The following MIPEP variants were observed in gnomAD, a reference collection of about 807,000 sequenced individuals.
MIPEP encodes mitochondrial intermediate peptidase.
In MIPEP, 79 loss-of-function variants were observed where a neutral mutation model predicts 90.3. That is an observed-to-expected ratio of 0.87 (90% CI 0.73 to 1.05). MIPEP has a LOEUF of 1.05. MIPEP is among the 50% of genes least tolerant of loss of function. The pLI, the probability that MIPEP is intolerant of heterozygous loss-of-function variation, is 0.00. For synonymous variants in MIPEP, 334 were observed against 315.8 expected (o/e 1.06, Z -0.61); for missense variants, 940 against 905.6 (o/e 1.04, Z -0.49).
chr13:23,819,161 T>C (rs953762448), intron 14 of MIPEP, among the ~76,000 whole-genome samples: 4 of 152,212 alleles, frequency 2.6e-5, no homozygotes, highest in African/African-American at 7.2e-5. Context: ...TGGGAGGCCA[T>C]TGTTTTATAC....
intron 14 of MIPEP, 75 bp downstream of exon 14, chr13:23,836,165 T>A (rs966385829): frequency 1.1e-6 from 1 of 879,700 alleles, no homozygotes; most frequent in African/African-American, 1.7e-5. Context: ...GCAAGAAGAG[T>A]TCAATTTATC....
At chr13:23,876,065 C>A (rs911277218) in intron 4 of MIPEP, among the ~76,000 whole-genome samples, 1 of 152,164 alleles carries the variant, frequency 6.6e-6, no homozygotes, top group South Asian at 2.1e-4. Context: ...AGTTTTTAAT[C>A]CTTGTTTGTT....
At chr13:23,761,420 C>T (rs1020579060) in intron 16 of MIPEP, among the ~76,000 whole-genome samples, 4 of 152,062 alleles carry the variant, frequency 2.6e-5, no homozygotes, top group Admixed American at 1.3e-4. Context: ...ACTTGGAACG[C>T]CTGGTCATCA....
chr13:23,759,048 A>T (rs1174658660), intron 17 of MIPEP, among the ~76,000 whole-genome samples: 1 of 152,226 alleles, frequency 6.6e-6, no homozygotes, highest in Non-Finnish European at 1.5e-5. Flanking sequence ...AAGTTCCCTG[A>T]AAAGAATTTG....
intron 16 of MIPEP, among the ~76,000 whole-genome samples, chr13:23,766,503 G>T (rs1952592387): frequency 6.6e-6 from 1 of 152,218 alleles, no homozygotes; most frequent in Non-Finnish European, 1.5e-5. Flanking sequence ...TACTCCAGAA[G>T]TGTTTAACGA....
At chr13:23,772,852 G>T (rs1048750710) in intron 16 of MIPEP, among the ~76,000 whole-genome samples, 2 of 152,028 alleles carry the variant, frequency 1.3e-5, no homozygotes, top group Non-Finnish European at 2.9e-5. Flanking sequence ...GCCCTTCCCT[G>T]CTCTAAGACA....
intron 13 of MIPEP, 61 bp downstream of exon 13, chr13:23,837,491 T>C: frequency 1.5e-6 from 2 of 1,316,876 alleles, no homozygotes; most frequent in Non-Finnish European, 2.2e-6. Flanking sequence ...CCTTTCCCAA[T>C]TCAAAGAAAA....
intron 18 of MIPEP, among the ~76,000 whole-genome samples, chr13:23,736,029 A>G (rs1406561648): frequency 2.0e-5 from 3 of 152,220 alleles, no homozygotes; most frequent in African/African-American, 4.8e-5. Flanking sequence ...AAAGCTGACA[A>G]AGATGTCCCC....
chr13:23,871,047 C>A (rs1365031673), intron 5 of MIPEP, among the ~76,000 whole-genome samples: 1 of 152,102 alleles, frequency 6.6e-6, no homozygotes, highest in East Asian at 1.9e-4. Flanking sequence ...GAATAAAGTT[C>A]TGATTTTGCA....
chr13:23,778,003 G>C (rs1207183347), intron 16 of MIPEP, among the ~76,000 whole-genome samples: 1 of 152,198 alleles, frequency 6.6e-6, no homozygotes, highest in Non-Finnish European at 1.5e-5. Flanking sequence ...TTGATTTATA[G>C]ACATCTATTG....
intron 10 of MIPEP, among the ~76,000 whole-genome samples, chr13:23,856,915 G>A (rs1245582011): frequency 6.6e-6 from 1 of 151,752 alleles, no homozygotes; most frequent in Admixed American, 6.6e-5. Context: ...AAAAATGAGA[G>A]TAGCAAAAAT....
In MIPEP at chr13:23,870,114, T is replaced by A. The variant is rs1411681409; in HGVS notation, c.685A>T (p.Ile229Phe). Residue 229 changes from isoleucine (I) to phenylalanine (F), a missense_variant, in exon 6 of 19, where the codon ATT becomes TTT. Coordinates refer to ENST00000382172, the MANE Select transcript of MIPEP (RefSeq NM_005932.4). Reference sequence around the variant, plus strand: ...TGTTCTGGTAAGAGATGCTTCTCAATCTTGTTGGGAAAATTGGTTCCCATA... The same window carrying A: ...TGTTCTGGTAAGAGATGCTTCTCAAACTTGTTGGGAAAATTGGTTCCCATA... ...FLMGTNFPNKIEKHLLPEHIR... is the reference protein window; with the variant it reads ...FLMGTNFPNKFEKHLLPEHIR... 1.2e-6 allele frequency: 2 copies of A among 1,612,674 alleles called. No homozygotes were observed. The highest frequency in any genetic ancestry group is 3.3e-5 in the Admixed American group (2 of 59,806).
chr13:23,859,727 G>A (rs1006435457), intron 9 of MIPEP, among the ~76,000 whole-genome samples: 5 of 152,198 alleles, frequency 3.3e-5, no homozygotes, highest in Non-Finnish European at 4.4e-5. Flanking sequence ...TCCCAAAGAA[G>A]ACTGCTGAAT....
intron 16 of MIPEP, among the ~76,000 whole-genome samples, chr13:23,762,994 G>A (rs1266349667): frequency 6.6e-6 from 1 of 152,182 alleles, no homozygotes; most frequent in Non-Finnish European, 1.5e-5. Context: ...AGGTAGACAC[G>A]TACTTTTCAT....
intron 18 of MIPEP, among the ~76,000 whole-genome samples, chr13:23,737,833 G>A (rs1054359909): frequency 1.3e-5 from 2 of 152,170 alleles, no homozygotes; most frequent in Non-Finnish European, 2.9e-5. Context: ...AATCGTTGGT[G>A]TATCATTTAA....
At chr13:23,781,012 C>T (rs1164052103) in intron 16 of MIPEP, among the ~76,000 whole-genome samples, 1 of 152,152 alleles carries the variant, frequency 6.6e-6, no homozygotes, top group African/African-American at 2.4e-5. Flanking sequence ...AGAATGGAAC[C>T]AAGTTGGAAA....
chr13:23,763,904 T>C (rs975943466), intron 16 of MIPEP, among the ~76,000 whole-genome samples: 1 of 152,240 alleles, frequency 6.6e-6, no homozygotes, highest in South Asian at 2.1e-4. Context: ...AATTCCACTG[T>C]TGTTTGAACA....
intron 4 of MIPEP, among the ~76,000 whole-genome samples, chr13:23,878,005 G>A (rs577260857): frequency 6.6e-6 from 1 of 152,224 alleles, no homozygotes; most frequent in South Asian, 2.1e-4. Context: ...AATGTGGTAT[G>A]TATCCTATCA....
chr13:23,847,478 A>AAG (rs1042774114), intron 10 of MIPEP, among the ~76,000 whole-genome samples: 2 of 151,548 alleles, frequency 1.3e-5, no homozygotes, highest in Non-Finnish European at 2.9e-5. Flanking sequence ...AAAAAAAAAA[A>AAG]AACCCAAACA....
Sources: allele counts gnomAD v4.1 joint callset (sites outside exome capture counted in the v4.1 genomes callset), GRCh38; gene constraint gnomAD v4.1.1; transcripts MANE v1.5; gene names NCBI Gene and HGNC (gene_info 2026-07-23, HGNC 2026-07-21).